The following SOS2 variants were observed in gnomAD, a reference collection of about 807,000 sequenced individuals.
The protein encoded by SOS2 is son of sevenless homolog 2.
Under a neutral mutation model 148.2 loss-of-function variants are expected in SOS2, and 65 were observed. The observed-to-expected ratio is 0.44, with a 90% confidence interval of 0.36 to 0.54. The LOEUF (loss-of-function observed/expected upper bound fraction) is 0.54. Among genes scored for constraint, SOS2 ranks in the 20% least tolerant of loss-of-function variants. The pLI is 0.00. For synonymous variants in SOS2, 539 were observed against 537.1 expected, an observed-to-expected ratio of 1.00 and a Z score of -0.05; for missense variants, 1,341 against 1,590.2, an observed-to-expected ratio of 0.84 and a Z score of 2.67.
rs1883334469 is a variant in SOS2 at position 50,117,711 on chromosome 14, C to T, written c.*633G>A. The T allele has an allele frequency of 6.6e-6, 1 of 152,176 alleles. No homozygotes were observed. Among genetic ancestry groups the T allele is most frequent in the South Asian group, 2.1e-4 (1 of 4,832 alleles). 9.4% of individuals were successfully genotyped at this position (152,176 alleles called of 1,614,324 possible). The stretch of plus-strand genomic sequence containing the variant: ...ATGAGATACATGCCCTTTTTCCCTC[C>T]ATCATTGGGTTATGTAGTCTTTGTT... On this transcript the variant is annotated 3_prime_UTR_variant, in exon 23 of 23. Transcript: ENST00000216373.
intron 6 of SOS2, among the ~76,000 whole-genome samples, chr14:50,181,913 T>C (rs944298792): frequency 1.6e-4 from 24 of 151,942 alleles, no homozygotes; most frequent in Non-Finnish European, 2.4e-4. Flanking sequence ...TCTTTCCAAC[T>C]TTAAGTTTAA....
intron 11 of SOS2, 77 bp downstream of exon 11, chr14:50,158,488 T>G: frequency 2.6e-6 from 2 of 772,676 alleles, no homozygotes; most frequent in Non-Finnish European, 4.3e-6. Context: ...GAGTATTTAT[T>G]AGGTACTAGG....
chr14:50,225,785 C>G lies in SOS2; in HGVS notation c.87+5412G>C, dbSNP rs1887354430. Reference sequence around the variant, plus strand: ...AATCTTTTCAAAAAGCAATTCTGATCAAGTTAATCTAATTACTTTGCTATG... The same window carrying G: ...AATCTTTTCAAAAAGCAATTCTGATGAAGTTAATCTAATTACTTTGCTATG... On this transcript the variant is annotated intron_variant, in intron 1 of 22. Transcript: ENST00000216373. 2.0e-5 allele frequency among the ~76,000 whole-genome samples: 3 copies of G among 152,164 alleles called. No homozygotes were observed. In the South Asian group the frequency reaches 6.2e-4, roughly 31 times the overall value.
At chr14:50,129,331 C>G (rs1484102486) in intron 21 of SOS2, among the ~76,000 whole-genome samples, 1 of 152,138 alleles carries the variant, frequency 6.6e-6, no homozygotes, top group Non-Finnish European at 1.5e-5. Flanking sequence ...CATGAAATTA[C>G]TATTCATTCT....
intron 16 of SOS2, among the ~76,000 whole-genome samples, chr14:50,143,811 C>T (rs536249853): frequency 6.7e-6 from 1 of 149,434 alleles, no homozygotes; most frequent in Admixed American, 6.8e-5. Context: ...GCATGCAACA[C>T]CATGCCTGGC....
At chr14:50,162,896 G>GTTTTTTTTTTTTT (rs1566832748) in intron 8 of SOS2, among the ~76,000 whole-genome samples, 1 of 139,854 alleles carries the variant, frequency 7.2e-6, no homozygotes, top group South Asian at 2.2e-4. Flanking sequence ...CCAATGTTTT[G>GTTTTTTTTTTTTT]ATTTTTTTTT....
At chr14:50,228,449 T>C (rs1205714031) in intron 1 of SOS2, among the ~76,000 whole-genome samples, 2 of 152,184 alleles carry the variant, frequency 1.3e-5, no homozygotes, top group African/African-American at 4.8e-5. Context: ...AGTCTTAATA[T>C]TCCCTTATTA....
In SOS2 at chr14:50,176,714, C is replaced by A. The variant is rs567170164; in HGVS notation, c.970-2162G>T. 3.3e-5 allele frequency among the ~76,000 whole-genome samples: 5 copies of A among 152,314 alleles called. No individual in the cohort carries two copies. The East Asian group carries it at 9.7e-4, about 29-fold the overall frequency. ...ATTAAGTGAATTGCTCAAGGTAACACAACCATTAACTGGGGCTGGGCGTGA... is the reference window on the plus strand; with the variant it reads ...ATTAAGTGAATTGCTCAAGGTAACAAAACCATTAACTGGGGCTGGGCGTGA... On this transcript the variant is annotated intron_variant, in intron 7 of 22. Coordinates refer to ENST00000216373, the MANE Select transcript of SOS2 (RefSeq NM_006939.4).
rs541355429 is a variant in SOS2, at chr14:50,134,373, C to T, written c.2959-134G>A. On this transcript the variant is annotated intron_variant, in intron 18 of 22. Transcript: ENST00000216373. ...TAAAAAATAACACATTAAGAGCCCACAATATGTGAAAAGTTCACAAGTGTT... is the reference window on the plus strand; with the variant it reads ...TAAAAAATAACACATTAAGAGCCCATAATATGTGAAAAGTTCACAAGTGTT... 4 of 545,918 alleles carry T rather than the reference C, an allele frequency of 7.3e-6. No individual in the cohort carries two copies. In the East Asian group the frequency reaches 9.7e-5, roughly 13 times the overall value. The allele number at this position is 545,918 out of a possible 1,614,324, so 33.8% of individuals were successfully genotyped here. A position where few individuals can be genotyped will look rare whatever the true frequency, so the allele number is the denominator to read the frequency against.
intron 3 of SOS2, among the ~76,000 whole-genome samples, chr14:50,200,711 A>G (rs1886459170): frequency 6.6e-6 from 1 of 152,096 alleles, no homozygotes; most frequent in African/African-American, 2.4e-5. Flanking sequence ...CCACAAAATA[A>G]TAGTAATGCA....
intron 8 of SOS2, among the ~76,000 whole-genome samples, chr14:50,164,423 G>A (rs1885108637): frequency 6.6e-6 from 1 of 151,814 alleles, no homozygotes; most frequent in South Asian, 2.1e-4. Context: ...CTGGGTGACA[G>A]AGTGAGACTC....
intron 12 of SOS2, among the ~76,000 whole-genome samples, chr14:50,153,379 T>C (rs1884722276): frequency 6.6e-6 from 1 of 151,582 alleles, no homozygotes; most frequent in East Asian, 1.9e-4. Context: ...ATTAATAAAA[T>C]GTATACTTTT....
At chr14:50,160,888 G>A (rs977296372) in intron 9 of SOS2, among the ~76,000 whole-genome samples, 1 of 151,970 alleles carries the variant, frequency 6.6e-6, no homozygotes, top group African/African-American at 2.4e-5. Flanking sequence ...CCAGCTACTC[G>A]AGTCCCAGCT....
intron 12 of SOS2, among the ~76,000 whole-genome samples, chr14:50,155,149 G>T (rs555309809): frequency 6.6e-6 from 1 of 151,964 alleles, no homozygotes; most frequent in Non-Finnish European, 1.5e-5. Flanking sequence ...GGGTTTATGG[G>T]TGTTCATTGT....
intron 5 of SOS2, among the ~76,000 whole-genome samples, chr14:50,186,812 C>G (rs1373274506): frequency 6.6e-6 from 1 of 152,072 alleles, no homozygotes; most frequent in Non-Finnish European, 1.5e-5. Flanking sequence ...AAACATATAT[C>G]CAAAAGAAAA....
intron 5 of SOS2, among the ~76,000 whole-genome samples, chr14:50,188,015 C>T (rs1885976131): frequency 6.6e-6 from 1 of 152,152 alleles, no homozygotes; most frequent in African/African-American, 2.4e-5. Context: ...GCCTAATTTT[C>T]ATTGTCACTG....
At chr14:50,168,638 T>C (rs1044495033) in intron 8 of SOS2, among the ~76,000 whole-genome samples, 1 of 152,226 alleles carries the variant, frequency 6.6e-6, no homozygotes, top group Non-Finnish European at 1.5e-5. Flanking sequence ...TTTTATCAGA[T>C]ATATAATTTA....
intron 1 of SOS2, among the ~76,000 whole-genome samples, chr14:50,209,572 G>C (rs1471872452): frequency 6.6e-6 from 1 of 151,950 alleles, no homozygotes; most frequent in Non-Finnish European, 1.5e-5. Context: ...TTCAAGACCA[G>C]TCTGGGCAAC....
chr14:50,140,010 C>T lies in SOS2; in HGVS notation c.2717G>A (p.Ser906Asn). 6.2e-7 allele frequency: 1 copy of T among 1,608,896 alleles called. No homozygotes were observed. Among genetic ancestry groups the T allele is most frequent in the Non-Finnish European group, 8.5e-7 (1 of 1,176,330 alleles). ...RKILDEAVEL[S>N]QDHFKKYLVK... ...TAGGTATTTTTTAAAGTGATCTTGA[C>T]TTAATTCCACAGCTTCGTCCAAAAT... Residue 906 changes from serine to asparagine, a missense_variant, in exon 17 of 23, where the codon AGT becomes AAT. Around this residue, in one of 4 missense-constraint regions of SOS2, gnomAD observed 408 missense variants for 506.6 expected, o/e 0.81. Coordinates refer to ENST00000216373, the MANE Select transcript of SOS2 (RefSeq NM_006939.4).
Sources: allele counts gnomAD v4.1 joint callset (sites outside exome capture counted in the v4.1 genomes callset), GRCh38; gene constraint gnomAD v4.1.1; regional missense constraint gnomAD v4.1.1; transcripts MANE v1.5; gene names NCBI Gene and HGNC (gene_info 2026-07-23, HGNC 2026-07-21).